The following FRAS1 variants were observed in gnomAD, a reference collection of about 807,000 sequenced individuals.
FRAS1 encodes the protein Fraser extracellular matrix complex subunit 1.
A neutral mutation model predicts 435.2 loss-of-function variants in FRAS1; 290 were observed. That is an observed-to-expected ratio of 0.67 (90% CI 0.61 to 0.73). The LOEUF is 0.73. Ranked by LOEUF, FRAS1 falls within the 30% of genes least tolerant of loss-of-function variation. FRAS1 has a pLI of 0.00. For synonymous variants in FRAS1, 1,800 were observed against 1,851.0 expected (o/e 0.97, Z 0.71); for missense variants, 4,860 against 5,001.5 (o/e 0.97, Z 0.85).
intron 31 of FRAS1, among the ~76,000 whole-genome samples, chr4:78,411,971 C>G (rs1198734805): frequency 6.6e-6 from 1 of 152,138 alleles, no homozygotes; most frequent in Non-Finnish European, 1.5e-5. Context: ...ATAATATCTA[C>G]TCTGTGGATA....
intron 2 of FRAS1, among the ~76,000 whole-genome samples, chr4:78,086,887 A>G (rs569006416): frequency 6.6e-6 from 1 of 152,186 alleles, no homozygotes; most frequent in Non-Finnish European, 1.5e-5. Context: ...TATTCCAATC[A>G]ATAGAAAAAG....
chr4:78,212,419 AG>A (rs1375550705), intron 2 of FRAS1, among the ~76,000 whole-genome samples: 1 of 152,082 alleles, frequency 6.6e-6, no homozygotes, highest in Non-Finnish European at 1.5e-5. Context: ...AGAAAGGGAG[AG>A]GCTGGTAAAT....
intron 2 of FRAS1, among the ~76,000 whole-genome samples, chr4:78,086,670 A>G (rs1309053796): frequency 2.0e-5 from 3 of 152,232 alleles, no homozygotes; most frequent in East Asian, 1.9e-4. Flanking sequence ...AAACTAGAAA[A>G]TCTAGAAGAA....
intron 61 of FRAS1, among the ~76,000 whole-genome samples, chr4:78,504,161 G>A (rs1720762657): frequency 1.3e-5 from 2 of 152,230 alleles, no homozygotes; most frequent in African/African-American, 4.8e-5. Flanking sequence ...TAGAATAAAT[G>A]TGATGTGGTG....
rs1719469704 is a variant in FRAS1, at chr4:78,464,558, T to G, written c.7004T>G (p.Leu2335Arg). ...GMRKTITEFE[L>R]KAVDADTEAE... ...AGGAAGACCATCACAGAGTTTGAGCTTAAGGCGGTGGATGCTGACACAGAG... is the reference window on the plus strand; with the variant it reads ...AGGAAGACCATCACAGAGTTTGAGCGTAAGGCGGTGGATGCTGACACAGAG... Residue 2335 changes from leucine to arginine, a missense_variant, in exon 49 of 74, where the codon CTT becomes CGT. Physicochemically the swap from Leu to Arg is moderately radical, Grantham distance 102. Coordinates refer to ENST00000512123, the MANE Select transcript of FRAS1 (RefSeq NM_025074.7). The G allele has an allele frequency of 6.2e-7, 1 of 1,613,888 alleles. No homozygotes were observed. Among genetic ancestry groups the G allele is most frequent in the East Asian group, 2.2e-5 (1 of 44,868 alleles).
intron 14 of FRAS1, among the ~76,000 whole-genome samples, chr4:78,294,805 A>G (rs1389963929): frequency 1.3e-5 from 2 of 152,186 alleles, no homozygotes; most frequent in Admixed American, 1.3e-4. Context: ...CATCATTAGG[A>G]AAATTACCAA....
chr4:78,080,079 C>T (rs934799443), intron 2 of FRAS1, among the ~76,000 whole-genome samples: 2 of 152,128 alleles, frequency 1.3e-5, no homozygotes, highest in Non-Finnish European at 2.9e-5. Context: ...AAGGGGCCAA[C>T]TTACACTACA....
At chr4:78,391,983 AC>A (rs1560700540) in intron 29 of FRAS1, among the ~76,000 whole-genome samples, 1 of 147,920 alleles carries the variant, frequency 6.8e-6, no homozygotes. Context: ...TGAGGGTTTC[AC>A]CTTTTGGGGG....
chr4:78,266,988 G>A, intron 8 of FRAS1, 53 bp downstream of exon 8: 1 of 1,260,052 alleles, frequency 7.9e-7, no homozygotes, highest in Admixed American at 2.1e-5. Context: ...GGTCATTTAA[G>A]GAATGCACTT....
At chr4:78,193,725 A>C (rs1328782752) in intron 2 of FRAS1, among the ~76,000 whole-genome samples, 1 of 152,154 alleles carries the variant, frequency 6.6e-6, no homozygotes, top group East Asian at 1.9e-4. Flanking sequence ...CTCTTTATCC[A>C]ATTTGCCAGT....
intron 18 of FRAS1, among the ~76,000 whole-genome samples, chr4:78,328,646 G>GA (rs893848871): frequency 6.6e-6 from 1 of 152,074 alleles, no homozygotes; most frequent in Non-Finnish European, 1.5e-5. Context: ...AAATATTTGG[G>GA]AAAAAATTCC....
At chr4:78,160,080 C>A (rs1721074768) in intron 2 of FRAS1, among the ~76,000 whole-genome samples, 1 of 152,022 alleles carries the variant, frequency 6.6e-6, no homozygotes, top group Admixed American at 6.6e-5. Flanking sequence ...ATCAGTGTGG[C>A]AATTATCATT....
intron 2 of FRAS1, among the ~76,000 whole-genome samples, chr4:78,113,143 C>T (rs1271272348): frequency 6.6e-6 from 1 of 152,162 alleles, no homozygotes; most frequent in Non-Finnish European, 1.5e-5. Context: ...CATGTCCCTA[C>T]AAAGGACATG....
chr4:78,232,288 ATT>A (rs143098706), intron 2 of FRAS1, among the ~76,000 whole-genome samples: 3 of 144,056 alleles, frequency 2.1e-5, no homozygotes, highest in Admixed American at 1.4e-4. Context: ...TACAAGGAAG[ATT>A]TTTTTTTTTT....
At chr4:78,131,715 T>G (rs1719693324) in intron 2 of FRAS1, among the ~76,000 whole-genome samples, 1 of 152,216 alleles carries the variant, frequency 6.6e-6, no homozygotes, top group Admixed American at 6.5e-5. Flanking sequence ...CAAAGAACAC[T>G]GGAGCATTTG....
chr4:78,375,162 G>A (rs907568776), intron 25 of FRAS1, among the ~76,000 whole-genome samples: 1 of 152,080 alleles, frequency 6.6e-6, no homozygotes, highest in African/African-American at 2.4e-5. Context: ...CCTATTAATA[G>A]CTGCTCCCCT....
intron 2 of FRAS1, among the ~76,000 whole-genome samples, chr4:78,069,933 T>C (rs368773491): frequency 5.3e-5 from 8 of 152,160 alleles, no homozygotes; most frequent in African/African-American, 1.9e-4. Flanking sequence ...AAGCATTCTA[T>C]TTCTCACAAC....
intron 2 of FRAS1, among the ~76,000 whole-genome samples, chr4:78,116,567 C>T (rs955850203): frequency 4.6e-5 from 7 of 152,134 alleles, no homozygotes; most frequent in African/African-American, 1.7e-4. Context: ...TTGAATTGAT[C>T]CCTTTACCAT....
chr4:78,171,275 G>A (rs1390205551), intron 2 of FRAS1, among the ~76,000 whole-genome samples: 2 of 151,970 alleles, frequency 1.3e-5, no homozygotes, highest in African/African-American at 4.8e-5. Context: ...TCTCAGGGTG[G>A]TTCAGTAATT....
Sources: allele counts gnomAD v4.1 joint callset (sites outside exome capture counted in the v4.1 genomes callset), GRCh38; gene constraint gnomAD v4.1.1; transcripts MANE v1.5; gene names NCBI Gene and HGNC (gene_info 2026-07-23, HGNC 2026-07-21).